FKBP4: variants seen among roughly 807,000 people sequenced by gnomAD.
FKBP4 encodes FKBP prolyl isomerase 4, also known as peptidyl-prolyl cis-trans isomerase FKBP4.
FKBP4 carries 28 observed loss-of-function variants against 54.1 expected under a neutral mutation model. The ratio of observed to expected loss-of-function variants is 0.52; its 90% CI spans 0.38 to 0.71. The LOEUF (loss-of-function observed/expected upper bound fraction) is 0.71. FKBP4 is among the 30% of genes least tolerant of loss of function. FKBP4 has a pLI of 0.00. For synonymous variants in FKBP4, 223 were observed against 216.1 expected (o/e 1.03, Z -0.28); for missense variants, 493 against 574.4 (o/e 0.86, Z 1.45).
chr12:2,804,385 ACCT>A lies in FKBP4; in HGVS notation c.*1134_*1136del, dbSNP rs1395526636. The A allele has an allele frequency of 6.6e-6, 1 of 152,314 alleles. No individual in the cohort carries two copies. Among genetic ancestry groups the A allele is most frequent in the South Asian group, 2.1e-4 (1 of 4,822 alleles). The allele number at this position is 152,314 out of a possible 1,614,324, so 9.4% of individuals were successfully genotyped here. ...CAAGGTAAAACTCCTGGTGTCACTG[ACCT>A]CCTCCTGTCAGATAACTTACATGAT... is the stretch of plus-strand genomic sequence containing the variant. On this transcript the variant is annotated 3_prime_UTR_variant, in exon 10 of 10. Coordinates refer to ENST00000001008, the MANE Select transcript of FKBP4 (RefSeq NM_002014.4).
In FKBP4 at chr12:2,803,321, T is replaced by TA; in HGVS notation, c.*64dup. ...CCCCAGTCTCCCCACTCCACCCTGT[T>TA]AGTTTTGTAAAAACTGAAGAATTTT... On this transcript the variant is annotated 3_prime_UTR_variant, in exon 10 of 10. Coordinates refer to ENST00000001008, the MANE Select transcript of FKBP4 (RefSeq NM_002014.4). 8.4e-7 allele frequency: 1 copy of TA among 1,190,282 alleles called. No homozygotes were observed. Among genetic ancestry groups the TA allele is most frequent in the Non-Finnish European group, 1.2e-6 (1 of 833,550 alleles). The allele number at this position is 1,190,282 out of a possible 1,614,324, so 73.7% of individuals were successfully genotyped here.
At chr12:2,799,327 G>T in intron 5 of FKBP4, 83 bp downstream of exon 5, 1 of 1,407,346 alleles carries the variant, frequency 7.1e-7, no homozygotes, top group Non-Finnish European at 9.4e-7. Flanking sequence ...CCAGCTGTTT[G>T]TATCCTTTTT....
Position 2,798,961 on chromosome 12 carries a change from ATCAC to A in FKBP4, c.515-124_515-121del, listed in dbSNP as rs1176147108. ...AGGGGTTGGACCATATTCTCTTCAT[ATCAC>A]TCCAGATTTGAGAACACAGGAGAAT... On this transcript the variant is annotated intron_variant, in intron 4 of 9. Transcript: ENST00000001008. This position sits in a 1 kb window ranked among gnomAD's most constrained non-coding sequence, Gnocchi z 4.3. The A allele has an allele frequency of 7.2e-7, 1 of 1,390,214 alleles. No homozygotes were observed. Among genetic ancestry groups the A allele is most frequent in the Non-Finnish European group, 9.9e-7 (1 of 1,010,506 alleles). The allele number at this position is 1,390,214 out of a possible 1,614,324, so 86.1% of individuals were successfully genotyped here.
At chr12:2,803,067 T>C in intron 9 of FKBP4, 84 bp from the exon 10 acceptor site, 1 of 952,504 alleles carries the variant, frequency 1.0e-6, no homozygotes, top group Non-Finnish European at 1.6e-6. Flanking sequence ...GGAGAATGGG[T>C]GTATCTGTGT....
intron 1 of FKBP4, 41 bp from the exon 2 acceptor site, chr12:2,797,097 C>T: frequency 6.2e-7 from 1 of 1,609,782 alleles, no homozygotes; most frequent in Non-Finnish European, 8.5e-7. Context: ...CCCTTTCTGC[C>T]CCAAACCCTG....
Position 2,795,940 on chromosome 12 carries a change from C to T in FKBP4, c.105+696C>T. ...GGGAGCTGTAGTCCCCTCCCCCCTC[C>T]GCCGCCTCCCGGAGCCAGGGCTGCG... is the stretch of plus-strand genomic sequence containing the variant. On this transcript the variant is annotated intron_variant, in intron 1 of 9. Coordinates refer to ENST00000001008, the MANE Select transcript of FKBP4 (RefSeq NM_002014.4). This position sits in a 1 kb window ranked among gnomAD's most constrained non-coding sequence, Gnocchi z 4.3. 3.9e-6 allele frequency: 4 copies of T among 1,024,526 alleles called. No individual in the cohort carries two copies. The highest frequency in any genetic ancestry group is 4.7e-6 in the Non-Finnish European group (4 of 852,152). 63.5% of individuals were successfully genotyped at this position (1,024,526 alleles called of 1,614,324 possible).
rs1432186598 is a variant in FKBP4 at position 2,799,142 on chromosome 12, T to A, written c.569T>A (p.Phe190Tyr). The A allele has an allele frequency of 6.3e-7, 1 of 1,586,888 alleles. No homozygotes were observed. Among genetic ancestry groups the A allele is most frequent in the Non-Finnish European group, 8.6e-7 (1 of 1,169,500 alleles). Residue 190 changes from phenylalanine to tyrosine, a missense_variant, in exon 5 of 10, where the codon TTT becomes TAT. Physicochemically the swap from Phe to Tyr is conservative, Grantham distance 22 (BLOSUM62 3). Transcript: ENST00000001008. ...CTCTTTGACCAGCGGGAGCTCCGCT[T>A]TGAGATTGGCGAGGGGGAGAACCTG... is the stretch of plus-strand genomic sequence containing the variant. ...DKLFDQRELR[F>Y]EIGEGENLDL...
Position 2,797,234 on chromosome 12 carries a change from G to C in FKBP4, c.202G>C (p.Asp68His). Reference protein sequence around the residue: ...TGWLLDGTKFDSSLDRKDKFS... With the variant: ...TGWLLDGTKFHSSLDRKDKFS... ...CTGGCTATTAGATGGCACAAAGTTT[G>C]ACTCCAGTCTGGATCGCAAGGACAA... The change falls in exon 2 of 10, where the codon GAC becomes CAC. Residue 68 changes from aspartate to histidine, a missense_variant. Transcript: ENST00000001008. The C allele has an allele frequency of 1.1e-5, 17 of 1,613,990 alleles. No homozygotes were observed. The highest frequency in any genetic ancestry group is 1.4e-5 in the Non-Finnish European group (17 of 1,179,870).
In FKBP4 at chr12:2,805,289, A is replaced by G. The variant is rs2097906874; in HGVS notation, c.*2031A>G. 1 of 419,364 alleles carries G rather than the reference A, an allele frequency of 2.4e-6. No individual in the cohort carries two copies. Among genetic ancestry groups the G allele is most frequent in the Non-Finnish European group, 4.7e-6 (1 of 212,776 alleles). 26.0% of individuals were successfully genotyped at this position (419,364 alleles called of 1,614,324 possible). On this transcript the variant is annotated 3_prime_UTR_variant, in exon 10 of 10. Coordinates refer to ENST00000001008, the MANE Select transcript of FKBP4 (RefSeq NM_002014.4). ...TGTCCTCATCTGCAAAATCGAAAGC[A>G]TTCCTGAGGTTTCTTCCAGCTCTGC...
At position 2,800,176 on chromosome 12, in the gene FKBP4, C is replaced by T. The variant is rs2097903960; in HGVS notation, c.846+54C>T. The stretch of plus-strand genomic sequence containing the variant: ...ACTCCCAGGAAGAGTTGCTCTGAGC[C>T]TCCCCTTCCCTTGGTGACTGAGATC... On this transcript the variant is annotated intron_variant, in intron 7 of 9. Transcript: ENST00000001008. The T allele has an allele frequency of 3.8e-6, 6 of 1,570,656 alleles. No homozygotes were observed. In the South Asian group the frequency reaches 5.6e-5, roughly 15 times the overall value.
At chr12:2,800,671 A>G in intron 8 of FKBP4, 94 bp downstream of exon 8, 2 of 1,261,188 alleles carry the variant, frequency 1.6e-6, no homozygotes, top group Non-Finnish European at 2.2e-6. Context: ...TGACTAGGGC[A>G]GGGATAGCAG....
chr12:2,802,852 C>T (rs777625312), intron 9 of FKBP4, among the ~76,000 whole-genome samples: 5 of 152,170 alleles, frequency 3.3e-5, no homozygotes, highest in Non-Finnish European at 5.9e-5. Context: ...CTCAGCCTCC[C>T]GAGTAGCTGG....
rs746579974 is a variant in FKBP4, at chr12:2,803,197, TGAA to T, written c.1321_1323del (p.Lys441del). On this transcript the variant is annotated inframe_deletion, in exon 10 of 10. Transcript: ENST00000001008. The stretch of plus-strand genomic sequence containing the variant: ...GGAGACCATCCCACTGACACAGAGA[TGAA>T]GGAGGAGCAGAAGAGCAACACGGCA... The T allele has an allele frequency of 3.6e-5, 58 of 1,606,224 alleles. 1 individual carries two copies. In the South Asian group the frequency reaches 5.9e-4, roughly 16 times the overall value.
chr12:2,799,277 C>T, intron 5 of FKBP4, 33 bp downstream of exon 5: 1 of 1,462,612 alleles, frequency 6.8e-7, no homozygotes, highest in Non-Finnish European at 9.0e-7. Context: ...GGTAGGCAGG[C>T]AGGCAAACCA....
Position 2,798,577 on chromosome 12 carries a change from C to T in FKBP4, c.394-129C>T. 1 of 1,506,636 alleles carries T rather than the reference C, an allele frequency of 6.6e-7. No individual in the cohort carries two copies. Among genetic ancestry groups the T allele is most frequent in the Non-Finnish European group, 9.0e-7 (1 of 1,106,698 alleles). The allele number at this position is 1,506,636 out of a possible 1,614,324, so 93.3% of individuals were successfully genotyped here. ...TGAAAAAAAGTGCCACTCTACCCAA[C>T]TCCTTGTGACTGCCCTTGTGGTCAG... On this transcript the variant is annotated intron_variant, in intron 3 of 9. Transcript: ENST00000001008. The surrounding 1 kb of genome is among the most constrained non-coding windows in gnomAD (Gnocchi z 4.3).
rs1165661312 is a variant in FKBP4 at position 2,798,910 on chromosome 12, G to A, written c.514+84G>A. 4.6e-5 allele frequency: 69 copies of A among 1,498,300 alleles called. No individual in the cohort carries two copies. The highest frequency in any genetic ancestry group is 2.5e-4 in the East Asian group (11 of 43,764). 92.8% of individuals were successfully genotyped at this position (1,498,300 alleles called of 1,614,324 possible). ...TTTGGGCAAGACACTTCCGTTCTCC[G>A]AGCCTATCTTCTTGTCCATAAAATG... On this transcript the variant is annotated intron_variant, in intron 4 of 9. Transcript: ENST00000001008. The surrounding 1 kb of genome is among the most constrained non-coding windows in gnomAD (Gnocchi z 4.3).
At position 2,795,223 on chromosome 12, in the gene FKBP4, A is replaced by C; in HGVS notation, c.84A>C (p.Lys28Asn). ...TGGAGGGAGTGGACATCAGCCCCAA[A>C]CAGGACGAAGGCGTGCTGAAGGTGA... ...LPMEGVDISP[K>N]QDEGVLKVIK... The change falls in exon 1 of 10, where the codon AAA (lysine) becomes AAC (asparagine). Residue 28 changes from lysine to asparagine, a missense_variant. Lys to Asn is a moderately conservative substitution (Grantham distance 94). Coordinates refer to ENST00000001008, the MANE Select transcript of FKBP4 (RefSeq NM_002014.4). The surrounding 1 kb of genome is among the most constrained non-coding windows in gnomAD (Gnocchi z 4.3). 7.5e-7 allele frequency: 1 copy of C among 1,330,192 alleles called. No individual in the cohort carries two copies. The allele number at this position is 1,330,192 out of a possible 1,614,324, so 82.4% of individuals were successfully genotyped here. A position where few individuals can be genotyped will look rare whatever the true frequency, so the allele number is the denominator to read the frequency against.
At chr12:2,796,705 C>A (rs1284727019) in intron 1 of FKBP4, 9 of 1,070,266 alleles carry the variant, frequency 8.4e-6, no homozygotes, top group Non-Finnish European at 1.0e-5. Context: ...GTCTGACGAC[C>A]ACTGGCATGA....
intron 5 of FKBP4, among the ~76,000 whole-genome samples, chr12:2,799,622 A>G (rs1005170952): frequency 2.0e-5 from 3 of 152,192 alleles, no homozygotes; most frequent in African/African-American, 7.2e-5. Context: ...GTGAGGTGCT[A>G]TTTAAATTAG....
Sources: allele counts gnomAD v4.1 joint callset (sites outside exome capture counted in the v4.1 genomes callset), GRCh38; gene constraint gnomAD v4.1.1; non-coding constraint Gnocchi (gnomAD v3.1); transcripts MANE v1.5; gene names NCBI Gene and HGNC (gene_info 2026-07-23, HGNC 2026-07-21).